The following ASNS variants were observed in gnomAD, a reference collection of about 807,000 sequenced individuals.
The protein encoded by ASNS is asparagine synthetase [glutamine-hydrolyzing].
Under a neutral mutation model 62.6 loss-of-function variants are expected in ASNS, and 37 were observed. The ratio of observed to expected loss-of-function variants is 0.59; its 90% CI spans 0.45 to 0.78. ASNS has a LOEUF of 0.78. Among genes scored for constraint, ASNS ranks in the 30% least tolerant of loss-of-function variants. ASNS has a pLI of 0.00. For missense variants in ASNS, 520 were observed against 682.4 expected (o/e 0.76, Z 2.65); for synonymous variants, 207 against 237.9 (o/e 0.87, Z 1.19).
At chr7:97,916,547 G>A in the ASNS span, among the ~76,000 whole-genome samples, 693 of 152,264 alleles carry the variant, frequency 4.6e-3, 5 homozygotes, top group Non-Finnish European at 7.5e-3. Flanking sequence ...CCTCATGATG[G>A]ATCAGGCACA....
At chr7:97,856,913 A>G in intron 7 of ASNS, 97 bp from the exon 8 acceptor site, 2 of 1,277,084 alleles carry the variant, frequency 1.6e-6, no homozygotes, top group Non-Finnish European at 2.2e-6. Context: ...ATGAATTAAC[A>G]ATGGTGAAAA....
chr7:97,863,369 G>C (rs939331157), intron 4 of ASNS: 1 of 152,178 alleles, frequency 6.6e-6, no homozygotes, highest in Admixed American at 6.5e-5. Flanking sequence ...AAAGAATCCA[G>C]TCACAAAAGC....
intron 12 of ASNS, 81 bp downstream of exon 12, chr7:97,852,979 A>G: frequency 7.4e-7 from 1 of 1,354,962 alleles, no homozygotes; most frequent in Non-Finnish European, 9.9e-7. Flanking sequence ...GTATCATTCA[A>G]ACTAAATACA....
chr7:97,893,095 G>A, the ASNS span, among the ~76,000 whole-genome samples: 20 of 152,254 alleles, frequency 1.3e-4, no homozygotes, highest in African/African-American at 4.6e-4. Flanking sequence ...CATTGCGGAA[G>A]TCAAGGAGAG....
the ASNS span, among the ~76,000 whole-genome samples, chr7:97,882,852 A>G: frequency 6.6e-6 from 1 of 152,204 alleles, no homozygotes; most frequent in Non-Finnish European, 1.5e-5. Flanking sequence ...GGCTTTCCAC[A>G]GCAATATTAA....
intron 4 of ASNS, chr7:97,863,231 G>A (rs962447479): frequency 1.3e-5 from 2 of 152,176 alleles, no homozygotes; most frequent in African/African-American, 4.8e-5. Flanking sequence ...TGTCCTAAAT[G>A]TCCATCAACT....
chr7:97,854,747 C>T, intron 9 of ASNS, 67 bp from the exon 10 acceptor site: 2 of 1,606,920 alleles, frequency 1.2e-6, no homozygotes, highest in South Asian at 1.1e-5. Flanking sequence ...CTTTCTCCCT[C>T]TCCAATCCTA....
At chr7:97,886,561 T>C in the ASNS span, among the ~76,000 whole-genome samples, 2 of 151,984 alleles carry the variant, frequency 1.3e-5, no homozygotes, top group Admixed American at 6.6e-5. Context: ...AAGAGAATAG[T>C]TTTGGAGGGG....
intron 9 of ASNS, 129 bp downstream of exon 9, chr7:97,855,224 G>C: frequency 1.6e-6 from 1 of 626,358 alleles, no homozygotes; most frequent in East Asian, 2.7e-5. Flanking sequence ...AACACTATCA[G>C]ATTCCCTTTT....
At chr7:97,891,893 A>G in the ASNS span, among the ~76,000 whole-genome samples, 2 of 152,024 alleles carry the variant, frequency 1.3e-5, no homozygotes, top group African/African-American at 4.8e-5. Flanking sequence ...CAGTGAATCC[A>G]CCATTCCGAG....
At chr7:97,877,137 C>G (rs1285667906), upstream of ASNS, among the ~76,000 whole-genome samples, 1 of 149,924 alleles carries the variant, frequency 6.7e-6, no homozygotes, top group Non-Finnish European at 1.5e-5. Flanking sequence ...CTCTGTTGCC[C>G]AGGTTGGAGT....
the ASNS span, among the ~76,000 whole-genome samples, chr7:97,919,109 G>A: frequency 6.6e-6 from 1 of 151,922 alleles, no homozygotes; most frequent in Non-Finnish European, 1.5e-5. Context: ...CTATTGCCCA[G>A]TCTGGAGTCC....
chr7:97,900,775 C>T, the ASNS span, among the ~76,000 whole-genome samples: 1 of 152,130 alleles, frequency 6.6e-6, no homozygotes, highest in Non-Finnish European at 1.5e-5. Context: ...TGGTGAGCCA[C>T]GGTAAGACTG....
chr7:97,858,873 CCTT>C lies in ASNS; in HGVS notation c.753_755del (p.Arg252del), dbSNP rs752897486. On this transcript the variant is annotated inframe_deletion, in exon 6 of 13. Transcript: ENST00000394308. Reference sequence around the variant, plus strand: ...CTTCACCTGATAAAAGGCAGCCAATCCTTCTGTCTGTCATCAAACGTTTCTTTA... The same window carrying C: ...CTTCACCTGATAAAAGGCAGCCAATCCTGTCTGTCATCAAACGTTTCTTTA... 10 of 1,612,414 alleles carry C rather than the reference CCTT, an allele frequency of 6.2e-6. No individual in the cohort carries two copies. Among genetic ancestry groups the C allele is most frequent in the South Asian group, 1.1e-5 (1 of 90,436 alleles).
chr7:97,879,280 G>C, the ASNS span, among the ~76,000 whole-genome samples: 1 of 152,138 alleles, frequency 6.6e-6, no homozygotes, highest in Admixed American at 6.5e-5. Flanking sequence ...GGCAACAAAA[G>C]CCAAAATTGA....
Position 97,858,272 on chromosome 7 carries a change from C to T in ASNS, c.903+6G>A, listed in dbSNP as rs751744487. ...CACTACACAAGGGACAGAGACAGCA[C>T]CTTACCTTTCTAGCAGCCAGTAAAT... On this transcript the variant is annotated splice_donor_region_variant and intron_variant, in intron 7 of 12. Transcript: ENST00000394308. 2 of 1,612,582 alleles carry T rather than the reference C, an allele frequency of 1.2e-6. No individual in the cohort carries two copies. Among genetic ancestry groups the T allele is most frequent in the Non-Finnish European group, 1.7e-6 (2 of 1,179,916 alleles).
the ASNS span, among the ~76,000 whole-genome samples, chr7:97,900,360 CAAAAA>C: frequency 1.0e-4 from 9 of 89,366 alleles, no homozygotes; most frequent in African/African-American, 2.7e-4. Context: ...GACTTTGTCT[CAAAAA>C]AAAAAAAAAA....
the ASNS span, among the ~76,000 whole-genome samples, chr7:97,927,078 T>TC: frequency 8.3e-6 from 1 of 120,842 alleles, no homozygotes; most frequent in Non-Finnish European, 1.6e-5. Context: ...TGGCTTTTTT[T>TC]TTTTTTTTTT....
the ASNS span, among the ~76,000 whole-genome samples, chr7:97,882,931 G>A: frequency 7.9e-5 from 12 of 152,178 alleles, no homozygotes; most frequent in Admixed American, 6.5e-5. Flanking sequence ...AAACAACAGA[G>A]GCACTCCTCA....
Sources: gnomAD v4.1 joint callset for allele counts (sites outside exome capture counted in the v4.1 genomes callset) on GRCh38, gnomAD v4.1.1 for gene constraint, MANE v1.5 for transcripts, NCBI Gene and HGNC (gene_info 2026-07-23, HGNC 2026-07-21) for gene names.